The following SMIM31 variants were observed in gnomAD, a reference collection of about 807,000 sequenced individuals.
The protein encoded by SMIM31 is small integral membrane protein 31.
chr4:164,791,923 T>TC (rs751257332), intron 2 of SMIM31, among the ~76,000 whole-genome samples: 1 of 152,164 alleles, frequency 6.6e-6, no homozygotes, highest in East Asian at 1.9e-4. Context: ...ACAGCTCAGC[T>TC]CGCACTTATA....
chr4:164,768,551 C>T (rs552675230), intron 1 of SMIM31, among the ~76,000 whole-genome samples: 10 of 152,078 alleles, frequency 6.6e-5, no homozygotes, highest in African/African-American at 2.4e-4. Flanking sequence ...CTCTCAAAGA[C>T]AACTACCTTA....
chr4:164,780,975 A>G (rs1448908504), intron 2 of SMIM31, among the ~76,000 whole-genome samples: 2 of 152,044 alleles, frequency 1.3e-5, no homozygotes, highest in South Asian at 2.1e-4. Context: ...ACACCCGGCT[A>G]TTTTTTAATT....
At chr4:164,767,796 A>C (rs1732738637) in intron 1 of SMIM31, among the ~76,000 whole-genome samples, 1 of 152,224 alleles carries the variant, frequency 6.6e-6, no homozygotes, top group Non-Finnish European at 1.5e-5. Flanking sequence ...GTCGGGTTCC[A>C]AGTTCCATAA....
In SMIM31 at chr4:164,770,476, A is replaced by G. The variant is rs1732785825; in HGVS notation, c.33A>G (p.Ala11=). The G allele has an allele frequency of 2.5e-6, 1 of 398,890 alleles. No individual in the cohort carries two copies. Among genetic ancestry groups the G allele is most frequent in the African/African-American group, 2.1e-5 (1 of 48,622 alleles). The allele number at this position is 398,890 out of a possible 1,614,324, so 24.7% of individuals were successfully genotyped here. The change falls in exon 2 of 3, where the codon GCA becomes GCG. Residue 11 remains alanine, a synonymous_variant. Coordinates refer to ENST00000507311, the MANE Select transcript of SMIM31 (RefSeq NM_001352885.1). MELPYTNLEM[A]FILLAFVIFS... is the part of the protein sequence containing the mutation. ...TTCCCTACACCAACTTGGAAATGGC[A>G]TTCATTTTATTGGCTTTTGTTATCT...
At position 164,758,745 on chromosome 4, in the gene SMIM31, T is replaced by C. The variant is rs1276703790; in HGVS notation, c.-26+4334T>C. 7.2e-5 allele frequency among the ~76,000 whole-genome samples: 10 copies of C among 138,582 alleles called. 1 individual carries two copies. The highest frequency in any genetic ancestry group is 1.6e-4 in the African/African-American group (6 of 38,066). The allele number at this position is 138,582 out of a possible 152,430, so 90.9% of individuals were successfully genotyped here. A position where few individuals can be genotyped will look rare whatever the true frequency, so the allele number is the denominator to read the frequency against. ...GCCTCCCGGGTTCACGCCATTCTCC[T>C]GCCTCAGCCTCCAGCATAGCTGGGA... is the stretch of plus-strand genomic sequence containing the variant. On this transcript the variant is annotated intron_variant, in intron 1 of 2. Transcript: ENST00000507311.
intron 2 of SMIM31, among the ~76,000 whole-genome samples, chr4:164,798,230 A>ATT (rs70952644): frequency 0.09 from 13,228 of 146,928 alleles, 704 homozygotes; most frequent in African/African-American, 0.15. Context: ...AATGATTTTT[A>ATT]TTTTTTTTTT....
intron 2 of SMIM31, among the ~76,000 whole-genome samples, chr4:164,783,536 A>AG (rs1258443645): frequency 6.6e-6 from 1 of 151,538 alleles, no homozygotes; most frequent in Non-Finnish European, 1.5e-5. Context: ...AAAAAGAAAA[A>AG]AAAAAAAAAA....
chr4:164,770,862 G>A (rs2110932335), intron 2 of SMIM31, among the ~76,000 whole-genome samples: 1 of 152,222 alleles, frequency 6.6e-6, no homozygotes, highest in East Asian at 1.9e-4. Context: ...GTTAATAAGA[G>A]AAGTGTATAA....
At chr4:164,775,781 T>C (rs987260790) in intron 2 of SMIM31, among the ~76,000 whole-genome samples, 1 of 152,178 alleles carries the variant, frequency 6.6e-6, no homozygotes, top group Admixed American at 6.5e-5. Context: ...GAAAAGAATC[T>C]CATTAGGGGC....
Position 164,793,010 on chromosome 4 carries a change from G to A in SMIM31, c.113-8081G>A, listed in dbSNP as rs148182914. 2.4e-3 allele frequency among the ~76,000 whole-genome samples: 358 copies of A among 152,198 alleles called. 1 individual carries two copies. The highest frequency in any genetic ancestry group is 7.7e-3 in the African/African-American group (321 of 41,540). On this transcript the variant is annotated intron_variant, in intron 2 of 2. Transcript: ENST00000507311. ...ACAGGTGTTGAGAAAACTGAATACC[G>A]TGGAATACTATGCAGCCATAAAAAA...
At chr4:164,771,936 G>A (rs1452165866) in intron 2 of SMIM31, among the ~76,000 whole-genome samples, 1 of 152,146 alleles carries the variant, frequency 6.6e-6, no homozygotes, top group African/African-American at 2.4e-5. Flanking sequence ...ATGAAGCAGG[G>A]CTGATTTTCC....
At chr4:164,763,901 T>C (rs917363361) in intron 1 of SMIM31, among the ~76,000 whole-genome samples, 3 of 152,190 alleles carry the variant, frequency 2.0e-5, no homozygotes, top group African/African-American at 7.2e-5. Context: ...AAAAACCTTG[T>C]GGTTGACATA....
intron 1 of SMIM31, among the ~76,000 whole-genome samples, chr4:164,757,223 A>G (rs62352412): frequency 0.079 from 12,053 of 152,228 alleles, 597 homozygotes; most frequent in South Asian, 0.13. Flanking sequence ...CCTTTGTGAA[A>G]TGTCCATTCA....
intron 2 of SMIM31, among the ~76,000 whole-genome samples, chr4:164,798,149 T>C (rs1733229612): frequency 6.6e-6 from 1 of 152,198 alleles, no homozygotes; most frequent in Non-Finnish European, 1.5e-5. Flanking sequence ...GACACTTAGG[T>C]TTAATTCCAT....
chr4:164,782,528 C>G (rs774317311), intron 2 of SMIM31, among the ~76,000 whole-genome samples: 155 of 149,372 alleles, frequency 1.0e-3, no homozygotes, highest in African/African-American at 3.4e-3. Flanking sequence ...ACAGGCGCCC[C>G]CCACCACGCC....
intron 1 of SMIM31, among the ~76,000 whole-genome samples, chr4:164,760,226 G>A (rs1018515539): frequency 6.6e-6 from 1 of 152,194 alleles, no homozygotes; most frequent in Non-Finnish European, 1.5e-5. Context: ...TTTAATCTGA[G>A]TGAAATAGGA....
intron 1 of SMIM31, among the ~76,000 whole-genome samples, chr4:164,764,700 G>A (rs1732697386): frequency 6.6e-6 from 1 of 152,122 alleles, no homozygotes; most frequent in African/African-American, 2.4e-5. Context: ...AAGTAAAGGA[G>A]AGAAATCAAA....
intron 2 of SMIM31, among the ~76,000 whole-genome samples, chr4:164,782,291 C>CAA (rs551563718): frequency 2.3e-5 from 3 of 128,692 alleles, no homozygotes; most frequent in African/African-American, 6.1e-5. Flanking sequence ...CTCCGTCTCA[C>CAA]AAAAAAAAAA....
intron 1 of SMIM31, among the ~76,000 whole-genome samples, chr4:164,759,994 A>T (rs1732623885): frequency 6.6e-6 from 1 of 152,184 alleles, no homozygotes; most frequent in Admixed American, 6.5e-5. Flanking sequence ...GTAAGAGGGT[A>T]AGCCATTCAG....
Sources: allele counts gnomAD v4.1 joint callset (sites outside exome capture counted in the v4.1 genomes callset), GRCh38; gene constraint gnomAD v4.1.1; transcripts MANE v1.5; gene names NCBI Gene and HGNC (gene_info 2026-07-23, HGNC 2026-07-21).